CDH8: variants seen among roughly 807,000 people sequenced by gnomAD.
CDH8 encodes the protein cadherin-8.
Under a neutral mutation model 68.1 loss-of-function variants are expected in CDH8, and 17 were observed. That is an observed-to-expected ratio of 0.25 (90% CI 0.17 to 0.37). The LOEUF (loss-of-function observed/expected upper bound fraction) is 0.37, where lower values mean the gene tolerates loss of function less well. Ranked by LOEUF, CDH8 falls within the 10% of genes least tolerant of loss-of-function variation. CDH8 has a pLI of 1.00. For synonymous variants in CDH8, 372 were observed against 365.1 expected (o/e 1.02, Z -0.21); for missense variants, 763 against 999.3 (o/e 0.76, Z 3.19).
intron 10 of CDH8, among the ~76,000 whole-genome samples, chr16:61,709,832 T>C (rs1964599045): frequency 6.6e-6 from 1 of 152,160 alleles, no homozygotes. Context: ...ATCTTCTTCC[T>C]CCTTCTTTTT....
intron 7 of CDH8, 40 bp from the exon 8 acceptor site, chr16:61,789,522 T>C: frequency 1.3e-6 from 2 of 1,596,844 alleles, no homozygotes; most frequent in Non-Finnish European, 1.7e-6. Context: ...TCAATGTTTA[T>C]ATGATCCATA....
chr16:61,671,577 G>A (rs1011587005), intron 10 of CDH8, among the ~76,000 whole-genome samples: 2 of 151,930 alleles, frequency 1.3e-5, no homozygotes, highest in Non-Finnish European at 2.9e-5. Flanking sequence ...AAAACAGCCT[G>A]TCTAAACATA....
At chr16:61,944,239 A>G (rs548139102) in intron 2 of CDH8, among the ~76,000 whole-genome samples, 1 of 152,362 alleles carries the variant, frequency 6.6e-6, no homozygotes, top group Admixed American at 6.5e-5. Flanking sequence ...GAATTTTGCA[A>G]CACTCAGTTG....
At chr16:61,740,513 C>T (rs1959841617) in intron 8 of CDH8, among the ~76,000 whole-genome samples, 1 of 152,046 alleles carries the variant, frequency 6.6e-6, no homozygotes, top group African/African-American at 2.4e-5. Context: ...ATCAAGATAT[C>T]CAAAGTAGCC....
Position 61,825,174 on chromosome 16 carries a change from T to A in CDH8, c.673A>T (p.Ile225Leu). ...YFSIEPETAI[I>L]KTALPNMDRE... ...TCCATGTTGGGAAGGGCAGTTTTTA[T>A]AATAGCTGAGGGGGAAAATGGAAGA... Residue 225 changes from isoleucine (I) to leucine (L), a missense_variant, in exon 5 of 12, where the codon ATA (isoleucine) becomes TTA (leucine). Coordinates refer to ENST00000577390, the MANE Select transcript of CDH8 (RefSeq NM_001796.5). The A allele has an allele frequency of 6.3e-7, 1 of 1,599,478 alleles. No individual in the cohort carries two copies. The highest frequency in any genetic ancestry group is 1.8e-5 in the Admixed American group (1 of 56,002).
In CDH8 at chr16:61,857,155, C is replaced by G; in HGVS notation, c.631G>C (p.Glu211Gln). Residue 211 changes from glutamate to glutamine, a missense_variant, in exon 4 of 12, where the codon GAA becomes CAA. Glu to Gln is a conservative substitution (Grantham distance 29, BLOSUM62 2). Transcript: ENST00000577390. ...NSAKLVYSIL[E>Q]GQPYFSIEPE... ...TCAATGGAAAAATAAGGCTGCCCTT[C>G]CAATATACTATAAACCAACTTTGCA... The G allele has an allele frequency of 6.2e-7, 1 of 1,613,630 alleles. No homozygotes were observed. The highest frequency in any genetic ancestry group is 8.5e-7 in the Non-Finnish European group (1 of 1,179,656).
At chr16:61,699,770 T>C (rs1278403186) in intron 10 of CDH8, among the ~76,000 whole-genome samples, 1 of 152,104 alleles carries the variant, frequency 6.6e-6, no homozygotes, top group Non-Finnish European at 1.5e-5. Context: ...AGATGGGGGT[T>C]TCACCATGTT....
chr16:61,999,620 T>C (rs1965859399), intron 2 of CDH8, among the ~76,000 whole-genome samples: 1 of 152,060 alleles, frequency 6.6e-6, no homozygotes, highest in Non-Finnish European at 1.5e-5. Context: ...GAAAATTAAA[T>C]GAGATAATGG....
At chr16:61,688,263 A>C (rs1398273652) in intron 10 of CDH8, among the ~76,000 whole-genome samples, 2 of 151,938 alleles carry the variant, frequency 1.3e-5, no homozygotes. Context: ...TGTTATTTCA[A>C]CTCTGACACA....
intron 2 of CDH8, among the ~76,000 whole-genome samples, chr16:61,975,232 A>G (rs1567552831): frequency 6.6e-6 from 1 of 152,136 alleles, no homozygotes; most frequent in Non-Finnish European, 1.5e-5. Context: ...ATTGAAAGAA[A>G]GAAAGGAAGA....
At chr16:62,024,232 GA>G (rs1902141772) in intron 1 of CDH8, among the ~76,000 whole-genome samples, 1 of 151,966 alleles carries the variant, frequency 6.6e-6, no homozygotes, top group Admixed American at 6.6e-5. Context: ...TTCCTACACT[GA>G]CCAGTTGTAT....
At chr16:62,002,273 A>T (rs1965905458) in intron 2 of CDH8, among the ~76,000 whole-genome samples, 1 of 152,198 alleles carries the variant, frequency 6.6e-6, no homozygotes. Flanking sequence ...GAAATGACAT[A>T]ATGTGACTAC....
chr16:61,659,888 T>C (rs1264376820), intron 10 of CDH8, among the ~76,000 whole-genome samples: 3 of 152,142 alleles, frequency 2.0e-5, no homozygotes, highest in Non-Finnish European at 4.4e-5. Flanking sequence ...AGATCAAATT[T>C]GAATGGACTG....
At chr16:61,860,303 A>T (rs541045908) in intron 3 of CDH8, among the ~76,000 whole-genome samples, 3 of 152,180 alleles carry the variant, frequency 2.0e-5, no homozygotes, top group African/African-American at 7.2e-5. Flanking sequence ...GTGCGAAAAT[A>T]ATTTTTTCTT....
At chr16:61,984,834 A>C (rs1324075946) in intron 2 of CDH8, among the ~76,000 whole-genome samples, 1 of 152,090 alleles carries the variant, frequency 6.6e-6, no homozygotes, top group Non-Finnish European at 1.5e-5. Context: ...CATGAACTTG[A>C]TTTTTTGCGT....
At chr16:61,748,166 C>T (rs777660747) in intron 8 of CDH8, among the ~76,000 whole-genome samples, 5 of 152,010 alleles carry the variant, frequency 3.3e-5, no homozygotes, top group Non-Finnish European at 5.9e-5. Flanking sequence ...TGAAATCCTA[C>T]TTGCAAACCA....
intron 9 of CDH8, among the ~76,000 whole-genome samples, chr16:61,721,693 A>G (rs918203258): frequency 6.6e-6 from 1 of 150,746 alleles, no homozygotes; most frequent in Non-Finnish European, 1.5e-5. Flanking sequence ...TCATATTCTC[A>G]TGATTATTTT....
At position 62,002,420 on chromosome 16, in the gene CDH8, G is replaced by A. The variant is rs549271468; in HGVS notation, c.252+18732C>T. Among the ~76,000 whole-genome samples the A allele has an allele frequency of 3.3e-5, 5 of 152,250 alleles. No homozygotes were observed. The South Asian group carries it at 8.3e-4, about 25-fold the overall frequency. On this transcript the variant is annotated intron_variant, in intron 2 of 11. Coordinates refer to ENST00000577390, the MANE Select transcript of CDH8 (RefSeq NM_001796.5). ...ATGACTGACCTTAGAGGAACTATAC[G>A]ACTTCATTAAATCGGTTTATAGCTA...
At chr16:61,654,409 T>C (rs1286517196) in intron 11 of CDH8, among the ~76,000 whole-genome samples, 1 of 152,052 alleles carries the variant, frequency 6.6e-6, no homozygotes, top group Non-Finnish European at 1.5e-5. Context: ...TGGCACAAAA[T>C]AGAAAATAGC....
Sources: gnomAD v4.1 joint callset for allele counts (sites outside exome capture counted in the v4.1 genomes callset) on GRCh38, gnomAD v4.1.1 for gene constraint, MANE v1.5 for transcripts, NCBI Gene and HGNC (gene_info 2026-07-23, HGNC 2026-07-21) for gene names.